LNX1: variants seen among roughly 807,000 people sequenced by gnomAD.
LNX1 encodes the protein ligand of numb-protein X 1, also known as E3 ubiquitin-protein ligase LNX.
A neutral mutation model predicts 68.4 loss-of-function variants in LNX1; 54 were observed. That is an observed-to-expected ratio of 0.79 (90% confidence interval 0.63 to 0.99). The LOEUF is 0.99. Among genes scored for constraint, LNX1 ranks in the 50% least tolerant of loss-of-function variants. The probability of loss-of-function intolerance (pLI) is 0.00; values close to 1 mark genes in which losing one functional copy is unlikely to be tolerated. For missense variants in LNX1, 906 were observed against 926.4 expected (o/e 0.98, Z 0.29); for synonymous variants, 336 against 350.0 (o/e 0.96, Z 0.45).
chr4:53,461,106 T>A, intron 10 of LNX1, 64 bp from the exon 11 acceptor site: 2 of 1,382,824 alleles, frequency 1.4e-6, no homozygotes, highest in Non-Finnish European at 2.0e-6. Flanking sequence ...TTAATGCAAG[T>A]TTATCTTAGT....
intron 8 of LNX1, 34 bp from the exon 9 acceptor site, chr4:53,477,015 G>A: frequency 6.4e-7 from 1 of 1,564,774 alleles, no homozygotes; most frequent in Non-Finnish European, 8.8e-7. Context: ...TATCTTTAGT[G>A]AGAGCACAAA....
chr4:53,644,534 T>C (rs1025167580), intron 1 of LNX1, among the ~76,000 whole-genome samples: 5 of 152,240 alleles, frequency 3.3e-5, no homozygotes, highest in African/African-American at 1.2e-4. Context: ...TGCTATATGT[T>C]AGTTTGCAGT....
Position 53,459,377 on chromosome 4 carries a change from C to A in LNX1, c.*1530G>T. Reference sequence around the variant, plus strand: ...ACAAACACAAAAAATCTAAAAGAAGCAAAGAAGGAAAAGAAGCGGGCAGTG... The same window carrying A: ...ACAAACACAAAAAATCTAAAAGAAGAAAAGAAGGAAAAGAAGCGGGCAGTG... On this transcript the variant is annotated 3_prime_UTR_variant, in exon 11 of 11. Transcript: ENST00000263925. 1.3e-6 allele frequency: 2 copies of A among 1,598,330 alleles called. No individual in the cohort carries two copies. The highest frequency in any genetic ancestry group is 1.7e-6 in the Non-Finnish European group (2 of 1,176,244).
At chr4:53,652,157 G>C (rs969882514) in intron 1 of LNX1, 1 of 152,112 alleles carries the variant, frequency 6.6e-6, no homozygotes, top group Non-Finnish European at 1.5e-5. Flanking sequence ...GGAGGAACCG[G>C]GCCATCTTAC....
upstream of LNX1, among the ~76,000 whole-genome samples, chr4:53,620,022 A>G (rs1341306577): frequency 2.0e-5 from 3 of 152,246 alleles, no homozygotes; most frequent in Admixed American, 1.3e-4. Flanking sequence ...ATTAAGGGTT[A>G]AACTCACATT....
At position 53,563,695 on chromosome 4, in the gene LNX1, T is replaced by A. The variant is rs918530631; in HGVS notation, c.380+9928A>T. Among the ~76,000 whole-genome samples the A allele has an allele frequency of 6.6e-5, 10 of 152,252 alleles. 1 individual carries two copies. Among genetic ancestry groups the A allele is most frequent in the African/African-American group, 1.9e-4 (8 of 41,552 alleles). ...GATTACAGGCATCTGTCACCACGCC[T>A]GGTTAATTTTTGAATTTTTGGTAGA... On this transcript the variant is annotated intron_variant, in intron 2 of 10. Coordinates refer to ENST00000263925, the MANE Select transcript of LNX1 (RefSeq NM_001126328.3).
chr4:53,517,261 CT>C (rs927886929), intron 2 of LNX1, among the ~76,000 whole-genome samples: 26 of 151,342 alleles, frequency 1.7e-4, no homozygotes, highest in Middle Eastern at 3.4e-3. Context: ...CCACCTTGAT[CT>C]TTTTTTTTGA....
chr4:53,499,342 G>A (rs1220006055), intron 4 of LNX1, among the ~76,000 whole-genome samples: 1 of 151,946 alleles, frequency 6.6e-6, no homozygotes, highest in Non-Finnish European at 1.5e-5. Flanking sequence ...CATTTTTTGT[G>A]GAGACGGAGT....
At chr4:53,598,212 C>T (rs530633938) in intron 2 of LNX1, among the ~76,000 whole-genome samples, 49 of 151,808 alleles carry the variant, frequency 3.2e-4, no homozygotes, top group African/African-American at 1.2e-3. Context: ...TACTCTACTT[C>T]AGCAATTATT....
intron 2 of LNX1, among the ~76,000 whole-genome samples, chr4:53,531,098 A>G (rs1428913892): frequency 1.3e-5 from 2 of 152,168 alleles, no homozygotes; most frequent in Non-Finnish European, 2.9e-5. Flanking sequence ...CTGGGGAGGC[A>G]GAGGTTTCAG....
At chr4:53,547,299 T>C (rs1191801548) in intron 2 of LNX1, among the ~76,000 whole-genome samples, 2 of 152,192 alleles carry the variant, frequency 1.3e-5, no homozygotes, top group Non-Finnish European at 2.9e-5. Context: ...CATGATAAAA[T>C]CCACAAGTTA....
At chr4:53,609,597 A>G (rs994453448) in intron 2 of LNX1, among the ~76,000 whole-genome samples, 1 of 146,304 alleles carries the variant, frequency 6.8e-6, no homozygotes, top group East Asian at 2.0e-4. Context: ...ATAATTATAT[A>G]TTATATGTTA....
At chr4:53,527,682 T>C (rs1727718281) in intron 2 of LNX1, among the ~76,000 whole-genome samples, 1 of 152,182 alleles carries the variant, frequency 6.6e-6, no homozygotes, top group East Asian at 1.9e-4. Flanking sequence ...CTTTGCACCC[T>C]CACTGGATTG....
In LNX1 at chr4:53,573,746, T is replaced by A; in HGVS notation, c.257A>T (p.His86Leu). 3 of 1,611,898 alleles carry A rather than the reference T, an allele frequency of 1.9e-6. No homozygotes were observed. In the South Asian group the frequency reaches 3.3e-5, roughly 18 times the overall value. ...GACCAGGATGCTGGACTTCTTGCAG[T>A]GCTGCAGAACCAGAGGCTTGCGGTC... ...PMDRKPLVLQ[H>L]CKKSSILVNK... Residue 86 changes from histidine (H) to leucine (L), a missense_variant, in exon 2 of 11, where the codon CAC (histidine) becomes CTC (leucine). Coordinates refer to ENST00000263925, the MANE Select transcript of LNX1 (RefSeq NM_001126328.3).
At chr4:53,627,401 G>A (rs1734117492) in intron 1 of LNX1, among the ~76,000 whole-genome samples, 1 of 152,102 alleles carries the variant, frequency 6.6e-6, no homozygotes, top group Admixed American at 6.6e-5. Context: ...ATTCTAACAG[G>A]GTTGAGCAAT....
chr4:53,583,350 T>C (rs1731951632), intron 1 of LNX1, among the ~76,000 whole-genome samples: 1 of 152,204 alleles, frequency 6.6e-6, no homozygotes, highest in Non-Finnish European at 1.5e-5. Flanking sequence ...GGGTGATGTG[T>C]CTGTGTGTGC....
At chr4:53,520,054 T>C (rs1361638800) in intron 2 of LNX1, among the ~76,000 whole-genome samples, 5 of 152,252 alleles carry the variant, frequency 3.3e-5, no homozygotes, top group Admixed American at 6.5e-5. Flanking sequence ...GTGGATGTTC[T>C]GTCCCCACGT....
At chr4:53,646,776 G>A (rs981528749) in intron 1 of LNX1, among the ~76,000 whole-genome samples, 10 of 152,320 alleles carry the variant, frequency 6.6e-5, no homozygotes, top group Admixed American at 4.6e-4. Context: ...TTTCTTTGTA[G>A]AATAAAGTGG....
chr4:53,492,411 T>C (rs1724741911), intron 6 of LNX1, among the ~76,000 whole-genome samples: 1 of 150,784 alleles, frequency 6.6e-6, no homozygotes, highest in Non-Finnish European at 1.5e-5. Context: ...GAAATGAGGT[T>C]GGAGAGAGAA....
Sources: gnomAD v4.1 joint callset for allele counts (sites outside exome capture counted in the v4.1 genomes callset) on GRCh38, gnomAD v4.1.1 for gene constraint, MANE v1.5 for transcripts, NCBI Gene and HGNC (gene_info 2026-07-23, HGNC 2026-07-21) for gene names.